Variants in ZFYVE9 observed in about 807,000 individuals in gnomAD.
ZFYVE9 encodes zinc finger FYVE-type containing 9, also known as zinc finger FYVE domain-containing protein 9.
A neutral mutation model predicts 126.7 loss-of-function variants in ZFYVE9; 43 were observed. That is an observed-to-expected ratio of 0.34 (90% CI 0.27 to 0.44). The LOEUF (loss-of-function observed/expected upper bound fraction) is 0.44, where lower values mean the gene tolerates loss of function less well. Ranked by LOEUF, ZFYVE9 falls within the 20% of genes least tolerant of loss-of-function variation. The pLI is 1.00. For missense variants in ZFYVE9, 1,476 were observed against 1,697.0 expected, an observed-to-expected ratio of 0.87 and a Z score of 2.29; for synonymous variants, 521 against 597.4, an observed-to-expected ratio of 0.87 and a Z score of 1.87.
At chr1:52,149,282 A>G (rs1644332855) in intron 1 of ZFYVE9, among the ~76,000 whole-genome samples, 1 of 152,072 alleles carries the variant, frequency 6.6e-6, no homozygotes, top group Non-Finnish European at 1.5e-5. Flanking sequence ...CTTTAGAAAC[A>G]TTAGCAAGTA....
chr1:52,282,760 T>C (rs144656250), intron 10 of ZFYVE9, among the ~76,000 whole-genome samples: 2,605 of 152,290 alleles, frequency 0.017, 40 homozygotes, highest in Non-Finnish European at 0.026. Context: ...AGAAGCAACC[T>C]GAATGCCTTA....
intron 7 of ZFYVE9, among the ~76,000 whole-genome samples, chr1:52,269,344 G>C (rs1185721917): frequency 6.6e-6 from 1 of 151,852 alleles, no homozygotes; most frequent in African/African-American, 2.4e-5. Context: ...TGCCCAGGCT[G>C]CGTCTCGAAC....
chr1:52,259,533 A>G (rs2147792438), intron 4 of ZFYVE9, among the ~76,000 whole-genome samples: 1 of 152,090 alleles, frequency 6.6e-6, no homozygotes, highest in Admixed American at 6.5e-5. Flanking sequence ...CATGCCTGTA[A>G]TCCCAGCACT....
chr1:52,162,363 C>A, intron 1 of ZFYVE9: 2 of 368,156 alleles, frequency 5.4e-6, no homozygotes, highest in Non-Finnish European at 1.1e-5. Context: ...CCGCCTTTGC[C>A]ACCACCTCCG....
At chr1:52,180,363 C>T in intron 1 of ZFYVE9, 1 of 1,549,184 alleles carries the variant, frequency 6.5e-7, no homozygotes, top group Non-Finnish European at 8.9e-7. Flanking sequence ...TATCAAGGCT[C>T]AGTTTATTGG....
chr1:52,182,967 G>A (rs1644728423), intron 1 of ZFYVE9, among the ~76,000 whole-genome samples: 1 of 152,002 alleles, frequency 6.6e-6, no homozygotes, highest in Non-Finnish European at 1.5e-5. Context: ...AAAAAAATAA[G>A]GTGTCTATTA....
chr1:52,290,839 C>T (rs150918000), intron 10 of ZFYVE9, among the ~76,000 whole-genome samples: 1 of 152,108 alleles, frequency 6.6e-6, no homozygotes, highest in East Asian at 1.9e-4. Context: ...TGTTGCTGGT[C>T]CTGTTAGGCA....
At chr1:52,324,189 C>T (rs1206442937) in intron 13 of ZFYVE9, among the ~76,000 whole-genome samples, 3 of 151,896 alleles carry the variant, frequency 2.0e-5, no homozygotes, top group African/African-American at 7.3e-5. Flanking sequence ...TTGGAGACTG[C>T]AGTAAGCTAT....
At chr1:52,149,477 T>A (rs1644334615) in intron 1 of ZFYVE9, among the ~76,000 whole-genome samples, 1 of 152,220 alleles carries the variant, frequency 6.6e-6, no homozygotes, top group African/African-American at 2.4e-5. Context: ...TCTAAAAATT[T>A]ACAGTCTAGT....
chr1:52,238,222 G>A lies in ZFYVE9; in HGVS notation c.805G>A (p.Val269Ile). The change falls in exon 4 of 19, where the codon GTA becomes ATA. Residue 269 changes from valine to isoleucine, a missense_variant. By Grantham distance (29) the Val-to-Ile change is conservative. Coordinates refer to ENST00000287727, the MANE Select transcript of ZFYVE9 (RefSeq NM_004799.4). ...SAITSLTVDS[V>I]ISSQGTDGCP... Reference sequence around the variant, plus strand: ...GATTACAAGTTTAACGGTTGATTCAGTAATCTCATCCCAGGGAACAGATGG... The same window carrying A: ...GATTACAAGTTTAACGGTTGATTCAATAATCTCATCCCAGGGAACAGATGG... 6.2e-7 allele frequency: 1 copy of A among 1,614,084 alleles called. No homozygotes were observed. Among genetic ancestry groups the A allele is most frequent in the Admixed American group, 1.7e-5 (1 of 60,020 alleles).
chr1:52,331,423 G>A (rs1183458942), intron 13 of ZFYVE9, among the ~76,000 whole-genome samples: 2 of 150,682 alleles, frequency 1.3e-5, no homozygotes, highest in Non-Finnish European at 2.9e-5. Context: ...AATCCAGCCT[G>A]GACAACATAG....
At chr1:52,155,080 T>A (rs1644389239) in intron 1 of ZFYVE9, among the ~76,000 whole-genome samples, 1 of 152,150 alleles carries the variant, frequency 6.6e-6, no homozygotes, top group Non-Finnish European at 1.5e-5. Context: ...TATCTTATAA[T>A]GGATTGCTGC....
intron 13 of ZFYVE9, among the ~76,000 whole-genome samples, chr1:52,329,702 G>A (rs1186643021): frequency 1.3e-5 from 2 of 151,734 alleles, no homozygotes; most frequent in Non-Finnish European, 2.9e-5. Flanking sequence ...TCAGGAGATC[G>A]AGACCATCAT....
intron 12 of ZFYVE9, among the ~76,000 whole-genome samples, chr1:52,303,083 T>C (rs1646050746): frequency 6.6e-6 from 1 of 152,130 alleles, no homozygotes; most frequent in South Asian, 2.1e-4. Flanking sequence ...GCACTCCAGC[T>C]CGGGCAACAG....
Position 52,237,913 on chromosome 1 carries a change from T to C in ZFYVE9, c.496T>C (p.Leu166=), listed in dbSNP as rs370074863. The C allele has an allele frequency of 3.1e-6, 5 of 1,613,900 alleles. No homozygotes were observed. In the African/African-American group the frequency reaches 4.0e-5, roughly 13 times the overall value. ...TGATAAAAGGACATTACAAAACGAT[T>C]TACAGGATTGTAATAATTATAATAG... ...NCDKRTLQND[L]QDCNNYNSQS... Residue 166 remains leucine, a synonymous_variant, in exon 4 of 19, where the codon TTA becomes CTA. Coordinates refer to ENST00000287727, the MANE Select transcript of ZFYVE9 (RefSeq NM_004799.4).
chr1:52,200,622 T>A (rs567373031), intron 1 of ZFYVE9, among the ~76,000 whole-genome samples: 2 of 152,390 alleles, frequency 1.3e-5, no homozygotes, highest in Non-Finnish European at 2.9e-5. Context: ...TCTAGCAGTT[T>A]AATAGTTTTG....
chr1:52,255,460 C>A (rs1326928715), intron 4 of ZFYVE9, among the ~76,000 whole-genome samples: 2 of 151,748 alleles, frequency 1.3e-5, no homozygotes, highest in Non-Finnish European at 2.9e-5. Flanking sequence ...TGGCACATGC[C>A]TGTAGTCCCG....
chr1:52,183,664 G>A (rs1312595837), intron 1 of ZFYVE9, among the ~76,000 whole-genome samples: 1 of 151,810 alleles, frequency 6.6e-6, no homozygotes, highest in East Asian at 1.9e-4. Context: ...CACCACACCC[G>A]GCTAATTTTT....
Position 52,142,594 on chromosome 1 carries a change from G to A in ZFYVE9, c.-143+191G>A, listed in dbSNP as rs1424086948. On this transcript the variant is annotated intron_variant, in intron 1 of 18. Coordinates refer to ENST00000287727, the MANE Select transcript of ZFYVE9 (RefSeq NM_004799.4). This position sits in a 1 kb window ranked among gnomAD's most constrained non-coding sequence, Gnocchi z 4.5. ...GCTGAAGGCCGTGGGGGGCGATTAG[G>A]CCCCGCGCCGTTGGGAAGCCCTCGC... Among the ~76,000 whole-genome samples, 1 of 152,156 alleles carries A rather than the reference G, an allele frequency of 6.6e-6. No homozygotes were observed. Among genetic ancestry groups the A allele is most frequent in the East Asian group, 1.9e-4 (1 of 5,144 alleles).
Sources: allele counts gnomAD v4.1 joint callset (sites outside exome capture counted in the v4.1 genomes callset), GRCh38; gene constraint gnomAD v4.1.1; non-coding constraint Gnocchi (gnomAD v3.1); transcripts MANE v1.5; gene names NCBI Gene and HGNC (gene_info 2026-07-23, HGNC 2026-07-21).